KDM5A: variants seen among roughly 807,000 people sequenced by gnomAD.
The protein encoded by KDM5A is lysine-specific demethylase 5A.
KDM5A carries 42 observed loss-of-function variants against 193.5 expected under a neutral mutation model. The ratio of observed to expected loss-of-function variants is 0.22; its 90% confidence interval spans 0.17 to 0.28. The LOEUF (loss-of-function observed/expected upper bound fraction) is 0.28, where lower values mean the gene tolerates loss of function less well. Among genes scored for constraint, KDM5A ranks in the 10% least tolerant of loss-of-function variants. The pLI is 1.00. For synonymous variants in KDM5A, 796 were observed against 718.1 expected (o/e 1.11, Z -1.73); for missense variants, 1,692 against 2,055.1 (o/e 0.82, Z 3.42).
At chr12:376,481 A>T (rs1426724481) in intron 3 of KDM5A, among the ~76,000 whole-genome samples, 1 of 152,230 alleles carries the variant, frequency 6.6e-6, no homozygotes, top group Non-Finnish European at 1.5e-5. Context: ...CATCTGTCAC[A>T]GCTTCCCTTG....
chr12:353,705 G>C (rs1029817504), intron 8 of KDM5A, among the ~76,000 whole-genome samples: 1 of 152,020 alleles, frequency 6.6e-6, no homozygotes, highest in Non-Finnish European at 1.5e-5. Context: ...GGCAGATTAC[G>C]AGGTCAAGAG....
chr12:284,796 T>C lies in KDM5A; in HGVS notation c.*660A>G, dbSNP rs1419506810. 1.3e-5 allele frequency: 3 copies of C among 233,498 alleles called. No homozygotes were observed. Among genetic ancestry groups the C allele is most frequent in the Admixed American group, 5.6e-5 (1 of 17,896 alleles). 14.5% of individuals were successfully genotyped at this position (233,498 alleles called of 1,614,324 possible). ...CTAGTCAGATTTCTGATCTAGATGA[T>C]ATCCTCATCTTACAAAGATAAGGTG... is the stretch of plus-strand genomic sequence containing the variant. On this transcript the variant is annotated 3_prime_UTR_variant, in exon 28 of 28. Coordinates refer to ENST00000399788, the MANE Select transcript of KDM5A (RefSeq NM_001042603.3).
intron 3 of KDM5A, among the ~76,000 whole-genome samples, chr12:379,594 C>G (rs1354127091): frequency 6.6e-6 from 1 of 152,062 alleles, no homozygotes; most frequent in Non-Finnish European, 1.5e-5. Context: ...ATTTAGGGAA[C>G]AAAGTATTAT....
chr12:309,968 C>CA lies in KDM5A; in HGVS notation c.3217-5dup. On this transcript the variant is annotated splice_polypyrimidine_tract_variant and splice_region_variant and intron_variant, in intron 21 of 27. Coordinates refer to ENST00000399788, the MANE Select transcript of KDM5A (RefSeq NM_001042603.3). ...TGTCGGTCCGGGGGCTCAGCACCTA[C>CA]AAAAATAAAACCACCATTATAAACT... 1 of 1,611,456 alleles carries CA rather than the reference C, an allele frequency of 6.2e-7. No individual in the cohort carries two copies. Among genetic ancestry groups the CA allele is most frequent in the Non-Finnish European group, 8.5e-7 (1 of 1,179,394 alleles).
intron 3 of KDM5A, among the ~76,000 whole-genome samples, chr12:379,009 A>C (rs542049512): frequency 1.3e-5 from 2 of 152,130 alleles, no homozygotes; most frequent in East Asian, 3.9e-4. Context: ...ATTAAATTAC[A>C]GGCATTCCAA....
intron 26 of KDM5A, 64 bp downstream of exon 26, chr12:295,509 T>C (rs1943358871): frequency 6.9e-7 from 1 of 1,457,194 alleles, no homozygotes; most frequent in Non-Finnish European, 9.6e-7. Flanking sequence ...ACATTTATGA[T>C]ACCTCTAAGG....
At position 282,291 on chromosome 12, in the gene KDM5A, G is replaced by A. The variant is rs1943164321; in HGVS notation, c.*3165C>T. The A allele has an allele frequency of 1.3e-5, 3 of 233,646 alleles. No individual in the cohort carries two copies. In the East Asian group the frequency reaches 1.8e-4, roughly 14 times the overall value. The allele number at this position is 233,646 out of a possible 1,614,324, so 14.5% of individuals were successfully genotyped here. On this transcript the variant is annotated 3_prime_UTR_variant, in exon 28 of 28. Transcript: ENST00000399788. ...ACCACAGGTGCACTCTACTGCACCTGGCTGCCATGTTTTTTATTATTAAAG... is the reference window on the plus strand; with the variant it reads ...ACCACAGGTGCACTCTACTGCACCTAGCTGCCATGTTTTTTATTATTAAAG...
chr12:330,085 G>GTGTGTGTATATATATATA (rs377271333), intron 13 of KDM5A, among the ~76,000 whole-genome samples: 43 of 139,370 alleles, frequency 3.1e-4, no homozygotes, highest in African/African-American at 1.0e-3. Flanking sequence ...GTGTGTGTGT[G>GTGTGTGTATATATATATA]TATATATATA....
At position 292,966 on chromosome 12, in the gene KDM5A, C is replaced by G; in HGVS notation, c.4659G>C (p.Lys1553Asn). The G allele has an allele frequency of 6.2e-7, 1 of 1,613,070 alleles. No individual in the cohort carries two copies. Among genetic ancestry groups the G allele is most frequent in the East Asian group, 2.2e-5 (1 of 44,882 alleles). The change falls in exon 27 of 28, where the codon AAG becomes AAC. Residue 1553 changes from lysine (K) to asparagine (N), a missense_variant. This residue lies in a region of KDM5A where 965 missense variants were observed against 1,061.0 expected (regional missense o/e 0.91). Coordinates refer to ENST00000399788, the MANE Select transcript of KDM5A (RefSeq NM_001042603.3). ...TTCTCTCTTCTTCTTTTGCTAGTTT[C>G]TTGGCCAGTTTATTCAGCTCCTTTG... ...DKSKELNKLA[K>N]KLAKEEERKK...
intron 19 of KDM5A, among the ~76,000 whole-genome samples, chr12:316,575 C>CA (rs11374245): frequency 0.35 from 52,639 of 151,928 alleles, 9,679 homozygotes; most frequent in East Asian, 0.51. Flanking sequence ...CTATTATTAC[C>CA]ACGAAATTTC....
Position 295,451 on chromosome 12 carries a change from T to A in KDM5A, c.4455+122A>T, listed in dbSNP as rs563011665. On this transcript the variant is annotated intron_variant, in intron 26 of 27. Transcript: ENST00000399788. ...TAAAGCCCAATTTCTTTGGCTGAAGTGGGAAAGTAGACCAGCCAGATTACT... is the reference window on the plus strand; with the variant it reads ...TAAAGCCCAATTTCTTTGGCTGAAGAGGGAAAGTAGACCAGCCAGATTACT... 25 of 920,212 alleles carry A rather than the reference T, an allele frequency of 2.7e-5. No individual in the cohort carries two copies. The African/African-American group carries it at 3.2e-4, about 12-fold the overall frequency. The allele number at this position is 920,212 out of a possible 1,614,324, so 57.0% of individuals were successfully genotyped here.
intron 4 of KDM5A, among the ~76,000 whole-genome samples, chr12:365,047 T>C (rs1034205401): frequency 2.6e-5 from 4 of 152,104 alleles, no homozygotes; most frequent in South Asian, 2.1e-4. Flanking sequence ...ACACATGCTA[T>C]AGCATGGCTG....
Position 349,703 on chromosome 12 carries a change from T to TC in KDM5A, c.1308+917_1308+918insG, listed in dbSNP as rs964466791. The stretch of plus-strand genomic sequence containing the variant: ...ATTTTGAACTAATTAAATTAGCTTT[T>TC]TTTTTTTTCCTTTTTTTTAAGAGAC... On this transcript the variant is annotated intron_variant, in intron 10 of 27. Transcript: ENST00000399788. 8.6e-5 allele frequency among the ~76,000 whole-genome samples: 13 copies of TC among 151,264 alleles called. No homozygotes were observed. In the East Asian group the frequency reaches 2.5e-3, roughly 29 times the overall value.
In KDM5A at chr12:366,122, G is replaced by C; in HGVS notation, c.367-18C>G. ...GCAACAATCTGAAAAGAAAGTAAAAGTTGCTTAGAGAAAAAAGGCAAATTC... is the reference window on the plus strand; with the variant it reads ...GCAACAATCTGAAAAGAAAGTAAAACTTGCTTAGAGAAAAAAGGCAAATTC... On this transcript the variant is annotated intron_variant, in intron 3 of 27. Coordinates refer to ENST00000399788, the MANE Select transcript of KDM5A (RefSeq NM_001042603.3). 6.2e-7 allele frequency: 1 copy of C among 1,612,898 alleles called. No homozygotes were observed. The highest frequency in any genetic ancestry group is 8.5e-7 in the Non-Finnish European group (1 of 1,179,436).
At chr12:288,150 TG>T (rs1328667951) in intron 27 of KDM5A, among the ~76,000 whole-genome samples, 1 of 152,210 alleles carries the variant, frequency 6.6e-6, no homozygotes, top group Admixed American at 6.5e-5. Flanking sequence ...GTTCTACTTT[TG>T]TGTGAAAGGC....
At chr12:379,741 C>A (rs1383693101) in intron 3 of KDM5A, among the ~76,000 whole-genome samples, 1 of 152,010 alleles carries the variant, frequency 6.6e-6, no homozygotes, top group East Asian at 1.9e-4. Context: ...TCCAATAAAC[C>A]GTCAGATAAG....
chr12:302,650 A>G (rs1369662338), intron 24 of KDM5A, among the ~76,000 whole-genome samples: 2 of 152,182 alleles, frequency 1.3e-5, no homozygotes, highest in Admixed American at 6.5e-5. Flanking sequence ...GCAATGGCAA[A>G]AAAGGCAAAA....
rs376026395 is a variant in KDM5A, at chr12:388,933, C to A, written c.159G>T (p.Pro53=). 1.9e-6 allele frequency: 3 copies of A among 1,614,112 alleles called. No individual in the cohort carries two copies. The highest frequency in any genetic ancestry group is 1.3e-5 in the African/African-American group (1 of 74,936). The change falls in exon 1 of 28, where the codon CCG becomes CCT. Residue 53 remains proline, a synonymous_variant. Coordinates refer to ENST00000399788, the MANE Select transcript of KDM5A (RefSeq NM_001042603.3). The part of the protein sequence containing the change: ...AEKTGICKIR[P]PKDWQPPFAC... ...TCTTCACAGACTGAGGTACCTTGGG[C>A]GGCCGAATTTTGCAGATGCCGGTTT...
chr12:379,250 C>A (rs772617789), intron 3 of KDM5A, among the ~76,000 whole-genome samples: 14 of 151,934 alleles, frequency 9.2e-5, no homozygotes, highest in Admixed American at 6.6e-4. Flanking sequence ...CACACCTAAC[C>A]TTAAAACATC....
Sources: gnomAD v4.1 joint callset for allele counts (sites outside exome capture counted in the v4.1 genomes callset) on GRCh38, gnomAD v4.1.1 for gene constraint, gnomAD v4.1.1 regional missense constraint, MANE v1.5 for transcripts, NCBI Gene and HGNC (gene_info 2026-07-23, HGNC 2026-07-21) for gene names.